Variants in RBL1 observed in about 807,000 individuals in gnomAD.
RBL1 encodes the protein retinoblastoma-like protein 1.
In RBL1, 82 loss-of-function variants were observed where a neutral mutation model predicts 123.0. The ratio of observed to expected loss-of-function variants is 0.67; its 90% CI spans 0.56 to 0.80. The LOEUF is 0.80. Ranked by LOEUF, RBL1 falls within the 30% of genes least tolerant of loss-of-function variation. RBL1 has a pLI of 0.00. For synonymous variants in RBL1, 405 were observed against 441.3 expected (o/e 0.92, Z 1.03); for missense variants, 1,171 against 1,299.6 (o/e 0.90, Z 1.52).
At chr20:37,032,589 CA>C in intron 16 of RBL1, 75 bp downstream of exon 16, 1 of 1,560,700 alleles carries the variant, frequency 6.4e-7, no homozygotes, top group Non-Finnish European at 8.6e-7. Flanking sequence ...AAAAAAAGAC[CA>C]AAGTCTGTCT....
At chr20:37,028,915 G>A (rs944691262) in intron 16 of RBL1, among the ~76,000 whole-genome samples, 1 of 152,136 alleles carries the variant, frequency 6.6e-6, no homozygotes, top group Non-Finnish European at 1.5e-5. Context: ...AAAAAATACA[G>A]ACCACTATCT....
intron 7 of RBL1, among the ~76,000 whole-genome samples, chr20:37,063,309 A>G (rs2065125885): frequency 1.3e-5 from 2 of 151,644 alleles, no homozygotes; most frequent in South Asian, 2.1e-4. Flanking sequence ...CCAAAGTGCT[A>G]GGATTATAGG....
intron 19 of RBL1, among the ~76,000 whole-genome samples, chr20:37,015,386 T>G (rs563950622): frequency 6.6e-6 from 1 of 151,820 alleles, no homozygotes; most frequent in Non-Finnish European, 1.5e-5. Context: ...CCACCCTGGA[T>G]AGGTAAGCAA....
chr20:37,009,884 G>C (rs1338276867), intron 19 of RBL1, among the ~76,000 whole-genome samples: 1 of 151,960 alleles, frequency 6.6e-6, no homozygotes, highest in Non-Finnish European at 1.5e-5. Flanking sequence ...TAAAAACTAG[G>C]TGTGGTGGCA....
At chr20:37,026,365 G>A (rs544739906) in intron 16 of RBL1, among the ~76,000 whole-genome samples, 4 of 152,146 alleles carry the variant, frequency 2.6e-5, no homozygotes, top group African/African-American at 9.7e-5. Context: ...GATTGAGGAA[G>A]AGTATAAATT....
rs919695926 is a variant in RBL1 at position 37,088,128 on chromosome 20, G to A, written c.290+861C>T. 9.2e-5 allele frequency among the ~76,000 whole-genome samples: 14 copies of A among 152,100 alleles called. 1 individual carries two copies. Among genetic ancestry groups the A allele is most frequent in the African/African-American group, 3.4e-4 (14 of 41,404 alleles). On this transcript the variant is annotated intron_variant, in intron 2 of 21. Coordinates refer to ENST00000373664, the MANE Select transcript of RBL1 (RefSeq NM_002895.5). ...TAAAAATACAAAATTAGCCAGGCGTGGTGGCACATGCCTGTAATCCCAGCT... is the reference window on the plus strand; with the variant it reads ...TAAAAATACAAAATTAGCCAGGCGTAGTGGCACATGCCTGTAATCCCAGCT...
chr20:37,022,929 T>C (rs558722185), intron 16 of RBL1, 103 bp from the exon 17 acceptor site: 2 of 860,514 alleles, frequency 2.3e-6, no homozygotes, highest in African/African-American at 3.4e-5. Flanking sequence ...GCTGTTGATA[T>C]ACTAAATTAA....
intron 2 of RBL1, among the ~76,000 whole-genome samples, chr20:37,088,673 G>A (rs527369766): frequency 4.6e-5 from 7 of 151,360 alleles, no homozygotes; most frequent in Admixed American, 1.3e-4. Context: ...TGACCAACAT[G>A]ATGAAACCCC....
chr20:37,038,317 T>C (rs541774246), intron 14 of RBL1, among the ~76,000 whole-genome samples: 183 of 149,746 alleles, frequency 1.2e-3, no homozygotes, highest in African/African-American at 4.3e-3. Context: ...TTTTTTTTTT[T>C]TTGGGTCGGA....
chr20:37,003,753 G>T lies in RBL1; in HGVS notation c.2985C>A (p.Gly995=). Residue 995 remains glycine, a synonymous_variant, in exon 21 of 22, where the codon GGC becomes GGA. Coordinates refer to ENST00000373664, the MANE Select transcript of RBL1 (RefSeq NM_002895.5). ...ACAGCAGAGCGCTTCTTGGTGTAAG[G>T]CCTGACCCATTCTTGTGCGGGGAAA... ...IYISPHKNGS[G]LTPRSALLYK... is the part of the protein sequence containing the mutation. 6.2e-7 allele frequency: 1 copy of T among 1,614,014 alleles called. No homozygotes were observed. The highest frequency in any genetic ancestry group is 8.5e-7 in the Non-Finnish European group (1 of 1,179,958).
intron 2 of RBL1, among the ~76,000 whole-genome samples, chr20:37,081,545 C>G: frequency 6.6e-6 from 1 of 152,100 alleles, no homozygotes; most frequent in East Asian, 1.9e-4. Context: ...ATAGCCCCAG[C>G]TACTTAGGTC....
At chr20:37,040,348 A>G (rs1012523369) in intron 13 of RBL1, 63 bp from the exon 14 acceptor site, 20 of 1,570,558 alleles carry the variant, frequency 1.3e-5, no homozygotes, top group Non-Finnish European at 1.7e-5. Context: ...AACTTATTAA[A>G]AATGTTTTCT....
In RBL1 at chr20:37,095,773, C is replaced by G; in HGVS notation, c.156G>C (p.Glu52Asp). The G allele has an allele frequency of 2.5e-6, 4 of 1,606,670 alleles. No homozygotes were observed. Among genetic ancestry groups the G allele is most frequent in the Non-Finnish European group, 3.4e-6 (4 of 1,176,702 alleles). ...GGCCGCCCCACCTGCTGCCGCTCAC[C>G]TCTAGGCTGTAGTTGCCTCGGATGG... ...FTAIRGNYSL[E>D]GEVTHWLACS... The change falls in exon 1 of 22, where the codon GAG becomes GAC. Residue 52 changes from glutamate (E) to aspartate (D), a missense_variant and splice_region_variant. Glu to Asp is a conservative substitution (Grantham distance 45). Transcript: ENST00000373664.
At chr20:37,007,637 G>T in intron 19 of RBL1, 78 bp from the exon 20 acceptor site, 1 of 1,450,426 alleles carries the variant, frequency 6.9e-7, no homozygotes, top group Non-Finnish European at 9.3e-7. Flanking sequence ...TTGTCACCCA[G>T]GGTGGAGTGC....
chr20:37,030,381 A>G (rs971824016), intron 16 of RBL1, among the ~76,000 whole-genome samples: 1 of 152,214 alleles, frequency 6.6e-6, no homozygotes, highest in Non-Finnish European at 1.5e-5. Flanking sequence ...ATGGATATCC[A>G]TGTGCAAAAG....
chr20:36,999,638 C>G (rs939308565), intron 21 of RBL1, among the ~76,000 whole-genome samples: 2 of 151,770 alleles, frequency 1.3e-5, no homozygotes, highest in South Asian at 2.1e-4. Flanking sequence ...ATTGCAGGCA[C>G]GCGCCGCCAC....
chr20:37,073,044 T>C (rs977390739), intron 2 of RBL1, among the ~76,000 whole-genome samples: 1 of 152,190 alleles, frequency 6.6e-6, no homozygotes, highest in Non-Finnish European at 1.5e-5. Context: ...CTTGACTTCC[T>C]GGGCTCAAGC....
intron 2 of RBL1, among the ~76,000 whole-genome samples, chr20:37,086,007 G>A (rs746031581): frequency 4.6e-5 from 7 of 152,074 alleles, no homozygotes; most frequent in Admixed American, 6.6e-5. Flanking sequence ...GTGCAGTGGC[G>A]CTATCTCAGC....
At chr20:37,031,100 G>A (rs1040599768) in intron 16 of RBL1, among the ~76,000 whole-genome samples, 7 of 151,960 alleles carry the variant, frequency 4.6e-5, no homozygotes, top group African/African-American at 1.2e-4. Flanking sequence ...ACTCTTAGAC[G>A]AAAACATAGG....
Sources: gnomAD v4.1 joint callset for allele counts (sites outside exome capture counted in the v4.1 genomes callset) on GRCh38, gnomAD v4.1.1 for gene constraint, MANE v1.5 for transcripts, NCBI Gene and HGNC (gene_info 2026-07-23, HGNC 2026-07-21) for gene names.